ASTN1: variants seen among roughly 807,000 people sequenced by gnomAD.
ASTN1 encodes the protein astrotactin-1.
Under a neutral mutation model 140.7 loss-of-function variants are expected in ASTN1, and 41 were observed. That is an observed-to-expected ratio of 0.29 (90% CI 0.23 to 0.38). The LOEUF is 0.38. ASTN1 is among the 10% of genes least tolerant of loss of function. ASTN1 has a pLI of 1.00. For synonymous variants in ASTN1, 640 were observed against 652.2 expected (o/e 0.98, Z 0.29); for missense variants, 1,479 against 1,678.8 (o/e 0.88, Z 2.08).
At chr1:176,934,084 T>C in intron 16 of ASTN1, 68 bp downstream of exon 16, 1 of 1,466,540 alleles carries the variant, frequency 6.8e-7, no homozygotes, top group Non-Finnish European at 9.3e-7. Context: ...AAATGGGTCT[T>C]ATAGATTGTA....
chr1:177,078,964 C>T (rs74987506), intron 1 of ASTN1, among the ~76,000 whole-genome samples: 3,723 of 152,194 alleles, frequency 0.024, 77 homozygotes, highest in Middle Eastern at 0.068. Context: ...AGAAAAAAGT[C>T]TGGTTTGTTT....
chr1:176,903,586 G>A (rs147995425), intron 16 of ASTN1, among the ~76,000 whole-genome samples: 57 of 152,224 alleles, frequency 3.7e-4, no homozygotes, highest in Admixed American at 8.5e-4. Flanking sequence ...GAAACCTTTC[G>A]TATGGCAATT....
At chr1:176,983,563 C>A (rs1174190193) in intron 8 of ASTN1, among the ~76,000 whole-genome samples, 2 of 152,142 alleles carry the variant, frequency 1.3e-5, no homozygotes, top group African/African-American at 4.8e-5. Context: ...AGCATTAACT[C>A]ATTCTGCACT....
chr1:177,098,836 C>T (rs746644748), intron 1 of ASTN1, among the ~76,000 whole-genome samples: 23 of 152,138 alleles, frequency 1.5e-4, no homozygotes, highest in Non-Finnish European at 3.2e-4. Flanking sequence ...TGACTTGTCG[C>T]TAACTGACGA....
intron 16 of ASTN1, among the ~76,000 whole-genome samples, chr1:176,930,940 G>C (rs1671181451): frequency 6.6e-6 from 1 of 152,116 alleles, no homozygotes; most frequent in Non-Finnish European, 1.5e-5. Context: ...GACTGAAGAG[G>C]TTGTGAAGAT....
rs59276168 is a variant in ASTN1 at position 177,149,774 on chromosome 1, C to T, written c.283+14620G>A. 1.0e-3 allele frequency among the ~76,000 whole-genome samples: 74 copies of T among 70,662 alleles called. 1 individual carries two copies. The African/African-American group carries it at 0.012, about 12-fold the overall frequency. The allele number at this position is 70,662 out of a possible 152,430, so 46.4% of individuals were successfully genotyped here. A position where few individuals can be genotyped will look rare whatever the true frequency, so the allele number is the denominator to read the frequency against. ...AGTAAATATATATACACTGTATATA[C>T]ATAGTAAATATATATACAGTGTATA... On this transcript the variant is annotated intron_variant, in intron 1 of 22. Coordinates refer to ENST00000361833, the MANE Select transcript of ASTN1 (RefSeq NM_004319.3).
At chr1:177,035,076 T>C (rs1486213157) in intron 2 of ASTN1, among the ~76,000 whole-genome samples, 1 of 152,234 alleles carries the variant, frequency 6.6e-6, no homozygotes, top group Non-Finnish European at 1.5e-5. Flanking sequence ...TCCATTATCA[T>C]GCTTTTACCA....
intron 13 of ASTN1, 23 bp from the exon 14 acceptor site, chr1:176,944,041 T>C (rs1217591548): frequency 1.2e-6 from 2 of 1,612,104 alleles, no homozygotes; most frequent in Non-Finnish European, 1.7e-6. Flanking sequence ...TAGACCTTCA[T>C]TTCTGAGTGT....
intron 18 of ASTN1, among the ~76,000 whole-genome samples, chr1:176,887,242 C>G (rs1361671391): frequency 2.0e-5 from 3 of 152,190 alleles, no homozygotes; most frequent in East Asian, 3.9e-4. Context: ...CTCCATCTTT[C>G]TTTCTGCACA....
intron 1 of ASTN1, among the ~76,000 whole-genome samples, chr1:177,126,598 C>T (rs1681662242): frequency 6.6e-6 from 1 of 152,118 alleles, no homozygotes; most frequent in Non-Finnish European, 1.5e-5. Flanking sequence ...CCATGGACGG[C>T]CCCAAAGAGT....
At chr1:176,987,996 A>G (rs1673984668) in intron 8 of ASTN1, among the ~76,000 whole-genome samples, 1 of 152,174 alleles carries the variant, frequency 6.6e-6, no homozygotes, top group Non-Finnish European at 1.5e-5. Context: ...TGGAGTGGCT[A>G]TTGATGCTAT....
At chr1:177,080,005 T>C (rs1009756845) in intron 1 of ASTN1, among the ~76,000 whole-genome samples, 1 of 152,170 alleles carries the variant, frequency 6.6e-6, no homozygotes, top group South Asian at 2.1e-4. Flanking sequence ...TTTTTACATT[T>C]CTATATTATA....
intron 16 of ASTN1, among the ~76,000 whole-genome samples, chr1:176,930,656 T>C (rs1005227938): frequency 6.6e-6 from 1 of 152,180 alleles, no homozygotes; most frequent in Non-Finnish European, 1.5e-5. Context: ...CTGAGATACA[T>C]GGGATGGTCA....
intron 9 of ASTN1, among the ~76,000 whole-genome samples, chr1:176,961,130 C>T (rs991453871): frequency 4.6e-5 from 7 of 152,074 alleles, no homozygotes; most frequent in Non-Finnish European, 7.4e-5. Context: ...CGATAAATAA[C>T]GATATTTCAT....
intron 1 of ASTN1, among the ~76,000 whole-genome samples, chr1:177,135,493 A>G (rs536282094): frequency 6.6e-6 from 1 of 152,268 alleles, no homozygotes; most frequent in East Asian, 1.9e-4. Flanking sequence ...CGACAGCCCC[A>G]GCTACAGCAG....
chr1:177,143,133 G>T (rs970729363), intron 1 of ASTN1, among the ~76,000 whole-genome samples: 7 of 152,160 alleles, frequency 4.6e-5, no homozygotes, highest in African/African-American at 1.7e-4. Context: ...AACCTGGGAG[G>T]ACATAAAACT....
intron 8 of ASTN1, chr1:176,976,582 A>T (rs888579139): frequency 2.6e-5 from 4 of 152,250 alleles, no homozygotes; most frequent in African/African-American, 9.6e-5. Context: ...TTCTGGATTC[A>T]AGTCTCTTGC....
intron 21 of ASTN1, among the ~76,000 whole-genome samples, chr1:176,869,940 A>G (rs1668272332): frequency 6.6e-6 from 1 of 152,146 alleles, no homozygotes; most frequent in African/African-American, 2.4e-5. Context: ...ACCAGGTGCA[A>G]AGGCAGATCT....
chr1:176,933,286 G>A (rs1275987823), intron 16 of ASTN1, among the ~76,000 whole-genome samples: 3 of 152,244 alleles, frequency 2.0e-5, no homozygotes, highest in Non-Finnish European at 4.4e-5. Flanking sequence ...GCTGACAACA[G>A]AGGTCCCTTG....
Sources: allele counts gnomAD v4.1 joint callset (sites outside exome capture counted in the v4.1 genomes callset), GRCh38; gene constraint gnomAD v4.1.1; transcripts MANE v1.5; gene names NCBI Gene and HGNC (gene_info 2026-07-23, HGNC 2026-07-21).